RPS6KC1: variants seen among roughly 807,000 people sequenced by gnomAD.
RPS6KC1 encodes inactive ribosomal protein S6 kinase delta-1.
Under a neutral mutation model 103.8 loss-of-function variants are expected in RPS6KC1, and 54 were observed. That is an observed-to-expected ratio of 0.52 (90% CI 0.42 to 0.65). The LOEUF is 0.65. RPS6KC1 is among the 30% of genes least tolerant of loss of function. RPS6KC1 has a pLI of 0.00. For missense variants in RPS6KC1, 1,151 were observed against 1,253.8 expected (o/e 0.92, Z 1.24); for synonymous variants, 439 against 438.7 (o/e 1.00, Z -0.01).
At chr1:213,607,902 T>C in the RPS6KC1 span, among the ~76,000 whole-genome samples, 4 of 152,170 alleles carry the variant, frequency 2.6e-5, no homozygotes, top group African/African-American at 9.7e-5. Context: ...TTTAGTTTTC[T>C]AATGCTTAGA....
the RPS6KC1 span, among the ~76,000 whole-genome samples, chr1:213,479,184 A>G: frequency 7.9e-5 from 12 of 152,026 alleles, no homozygotes; most frequent in Admixed American, 2.0e-4. Context: ...TTTTGTACTT[A>G]TTAACGAAGC....
At chr1:213,380,023 G>A in the RPS6KC1 span, among the ~76,000 whole-genome samples, 4 of 152,158 alleles carry the variant, frequency 2.6e-5, no homozygotes, top group Non-Finnish European at 5.9e-5. Flanking sequence ...ATACATGCAT[G>A]TGTATGTTTA....
chr1:213,439,681 G>A, the RPS6KC1 span, among the ~76,000 whole-genome samples: 1 of 152,136 alleles, frequency 6.6e-6, no homozygotes, highest in East Asian at 1.9e-4. Context: ...GAGAACATGG[G>A]TATAAAATAG....
At chr1:213,418,629 C>T in the RPS6KC1 span, among the ~76,000 whole-genome samples, 3 of 152,210 alleles carry the variant, frequency 2.0e-5, no homozygotes, top group Non-Finnish European at 4.4e-5. Context: ...TAGCACAGCA[C>T]TTTCTCTGCT....
the RPS6KC1 span, among the ~76,000 whole-genome samples, chr1:213,622,214 C>G: frequency 6.7e-6 from 1 of 148,892 alleles, no homozygotes; most frequent in Admixed American, 6.9e-5. Context: ...AGGCATTACC[C>G]TGCTCGGGGA....
At chr1:213,540,882 CA>C in the RPS6KC1 span, among the ~76,000 whole-genome samples, 1 of 152,064 alleles carries the variant, frequency 6.6e-6, no homozygotes, top group Non-Finnish European at 1.5e-5. Context: ...GCATCTTAAC[CA>C]GGAGTAGATT....
chr1:213,501,307 T>C, the RPS6KC1 span, among the ~76,000 whole-genome samples: 3 of 152,200 alleles, frequency 2.0e-5, no homozygotes, highest in African/African-American at 7.2e-5. Context: ...ATAAATTGTG[T>C]TTTAAAAATT....
chr1:213,762,205 C>T, the RPS6KC1 span, among the ~76,000 whole-genome samples: 1 of 152,188 alleles, frequency 6.6e-6, no homozygotes, highest in African/African-American at 2.4e-5. Context: ...GCGTGCTTTT[C>T]ACCCTTTTGC....
chr1:213,783,248 G>A, the RPS6KC1 span, among the ~76,000 whole-genome samples: 1 of 152,156 alleles, frequency 6.6e-6, no homozygotes, highest in East Asian at 1.9e-4. Context: ...GCACAAAGCT[G>A]GCTCTATCTT....
the RPS6KC1 span, among the ~76,000 whole-genome samples, chr1:213,632,356 T>G: frequency 6.6e-6 from 1 of 152,112 alleles, no homozygotes; most frequent in East Asian, 1.9e-4. Context: ...AGACAGGTGA[T>G]TTCTGCATTT....
the RPS6KC1 span, among the ~76,000 whole-genome samples, chr1:213,792,274 C>A: frequency 2.0e-5 from 3 of 152,120 alleles, no homozygotes; most frequent in Admixed American, 6.5e-5. Context: ...TGGAAGAGTG[C>A]GATTTAGAAG....
chr1:213,278,130 G>A (rs574288072), downstream of RPS6KC1, among the ~76,000 whole-genome samples: 8 of 151,924 alleles, frequency 5.3e-5, no homozygotes, highest in East Asian at 9.7e-4. Flanking sequence ...CCTTGAGCCC[G>A]GGAGGTCAAG....
At chr1:213,176,339 C>A in intron 7 of RPS6KC1, 61 bp from the exon 8 acceptor site, 1 of 1,115,298 alleles carries the variant, frequency 9.0e-7, no homozygotes, top group South Asian at 1.7e-5. Context: ...TTTGCTTCAG[C>A]AGGCAGCCTT....
At chr1:213,407,709 C>T in the RPS6KC1 span, among the ~76,000 whole-genome samples, 2 of 152,294 alleles carry the variant, frequency 1.3e-5, no homozygotes, top group Admixed American at 1.3e-4. Flanking sequence ...GTGAACATCT[C>T]ATTTTCTAAG....
chr1:213,459,293 T>C, the RPS6KC1 span, among the ~76,000 whole-genome samples: 2 of 152,300 alleles, frequency 1.3e-5, no homozygotes, highest in African/African-American at 4.8e-5. Flanking sequence ...AACTTGTTAT[T>C]GGTCTATTCA....
At chr1:213,779,062 C>T in the RPS6KC1 span, among the ~76,000 whole-genome samples, 5 of 152,002 alleles carry the variant, frequency 3.3e-5, no homozygotes, top group African/African-American at 1.2e-4. Context: ...ACTCTAAGCA[C>T]CTGAGGAATT....
chr1:213,168,777 A>G (rs1298262716), intron 7 of RPS6KC1, among the ~76,000 whole-genome samples: 3 of 151,870 alleles, frequency 2.0e-5, no homozygotes, highest in Admixed American at 6.6e-5. Flanking sequence ...CACCCACCAC[A>G]TGCCCGGCTA....
At chr1:213,735,147 G>T in the RPS6KC1 span, among the ~76,000 whole-genome samples, 147 of 152,290 alleles carry the variant, frequency 9.7e-4, 1 homozygote, top group African/African-American at 3.4e-3. Context: ...ATGGTCTTGA[G>T]AAGTCAGGTG....
intron 6 of RPS6KC1, among the ~76,000 whole-genome samples, chr1:213,154,546 T>C (rs757280830): frequency 1.3e-5 from 2 of 152,204 alleles, no homozygotes; most frequent in African/African-American, 4.8e-5. Flanking sequence ...CCCCAGACCA[T>C]AGGACTACTG....
Sources: gnomAD v4.1 joint callset for allele counts (sites outside exome capture counted in the v4.1 genomes callset) on GRCh38, gnomAD v4.1.1 for gene constraint, MANE v1.5 for transcripts, NCBI Gene and HGNC (gene_info 2026-07-23, HGNC 2026-07-21) for gene names.